Variants in SCUBE2 observed in about 807,000 individuals in gnomAD.
SCUBE2 encodes signal peptide, CUB and EGF-like domain-containing protein 2.
In SCUBE2, 114 loss-of-function variants were observed where a neutral mutation model predicts 125.9. That is an observed-to-expected ratio of 0.91 (90% CI 0.78 to 1.06). SCUBE2 has a LOEUF of 1.06. SCUBE2 is among the 50% of genes least tolerant of loss of function. The pLI is 0.00. For missense variants in SCUBE2, 1,255 were observed against 1,301.8 expected, an observed-to-expected ratio of 0.96 and a Z score of 0.55; for synonymous variants, 459 against 492.9, an observed-to-expected ratio of 0.93 and a Z score of 0.91.
intron 7 of SCUBE2, among the ~76,000 whole-genome samples, chr11:9,065,527 T>C (rs576186174): frequency 6.6e-6 from 1 of 152,312 alleles, no homozygotes; most frequent in Admixed American, 6.5e-5. Context: ...CAGGCAGTTC[T>C]TTACAGCAGT....
intron 14 of SCUBE2, among the ~76,000 whole-genome samples, chr11:9,048,917 C>T (rs1176973551): frequency 2.0e-5 from 3 of 152,192 alleles, no homozygotes; most frequent in African/African-American, 7.2e-5. Flanking sequence ...TCAACAGGGG[C>T]CACAGGAAGG....
At chr11:9,074,375 C>T (rs1274875942) in intron 4 of SCUBE2, 106 bp downstream of exon 4, 1 of 1,431,206 alleles carries the variant, frequency 7.0e-7, no homozygotes, top group East Asian at 2.4e-5. Flanking sequence ...GGCCTCCAGA[C>T]TTTCTATACC....
intron 4 of SCUBE2, among the ~76,000 whole-genome samples, chr11:9,072,844 GT>G (rs553020592): frequency 6.4e-4 from 98 of 152,308 alleles, no homozygotes; most frequent in Admixed American, 1.4e-3. Context: ...AGAAAACACA[GT>G]TTGCAGAAAG....
At chr11:9,022,263 T>A (rs1196486733) in intron 21 of SCUBE2, among the ~76,000 whole-genome samples, 1 of 152,136 alleles carries the variant, frequency 6.6e-6, no homozygotes, top group Non-Finnish European at 1.5e-5. Flanking sequence ...TCAAAAGCAT[T>A]GTTCTAGTAA....
chr11:9,050,769 G>C, intron 13 of SCUBE2, 59 bp from the exon 14 acceptor site: 1 of 1,334,388 alleles, frequency 7.5e-7, no homozygotes, highest in Non-Finnish European at 1.1e-6. Context: ...GGAGACACCA[G>C]ATGGGAAGCA....
chr11:9,046,489 A>G (rs1857789795), intron 16 of SCUBE2, among the ~76,000 whole-genome samples: 1 of 151,482 alleles, frequency 6.6e-6, no homozygotes, highest in South Asian at 2.1e-4. Context: ...GGCCACAAAG[A>G]CTCCCTGGCC....
chr11:9,063,218 C>T (rs1331194366), intron 7 of SCUBE2, among the ~76,000 whole-genome samples: 1 of 151,918 alleles, frequency 6.6e-6, no homozygotes, highest in Non-Finnish European at 1.5e-5. Context: ...TGGACTCCAG[C>T]CTGGGCGACA....
intron 19 of SCUBE2, among the ~76,000 whole-genome samples, chr11:9,027,770 C>T (rs561000696): frequency 1.1e-4 from 16 of 152,156 alleles, no homozygotes; most frequent in Non-Finnish European, 1.9e-4. Context: ...CCTCTGAGTT[C>T]CTGAGGCACT....
intron 16 of SCUBE2, among the ~76,000 whole-genome samples, chr11:9,038,825 T>G (rs1229931330): frequency 1.3e-5 from 2 of 152,098 alleles, no homozygotes; most frequent in Non-Finnish European, 2.9e-5. Context: ...TTACCCAAAG[T>G]ATGTTGGAGG....
intron 9 of SCUBE2, 82 bp from the exon 10 acceptor site, chr11:9,055,991 C>T: frequency 9.9e-7 from 1 of 1,007,242 alleles, no homozygotes; most frequent in Non-Finnish European, 1.6e-6. Flanking sequence ...ATACCAGTTG[C>T]TGACCAACAC....
chr11:9,037,958 C>T (rs1856873866), intron 16 of SCUBE2, among the ~76,000 whole-genome samples: 1 of 152,146 alleles, frequency 6.6e-6, no homozygotes, highest in Non-Finnish European at 1.5e-5. Flanking sequence ...AAATATTTCT[C>T]CAAAGATTTG....
At chr11:9,063,702 GAGAGC>G (rs1859905122) in intron 7 of SCUBE2, among the ~76,000 whole-genome samples, 1 of 152,190 alleles carries the variant, frequency 6.6e-6, no homozygotes, top group Non-Finnish European at 1.5e-5. Context: ...CACCCAACAG[GAGAGC>G]GGCAAAGGGA....
At chr11:9,052,610 C>T in intron 13 of SCUBE2, 136 bp downstream of exon 13, 1 of 631,902 alleles carries the variant, frequency 1.6e-6, no homozygotes. Flanking sequence ...CAGGCAACAA[C>T]ACCCTGGAAC....
intron 7 of SCUBE2, among the ~76,000 whole-genome samples, chr11:9,064,074 T>G (rs965366307): frequency 4.6e-5 from 7 of 151,188 alleles, no homozygotes; most frequent in Non-Finnish European, 8.9e-5. Flanking sequence ...AGAGGTCAGG[T>G]GTGTGTGTGT....
intron 3 of SCUBE2, 48 bp from the exon 4 acceptor site, chr11:9,074,663 C>T (rs767414653): frequency 2.5e-6 from 4 of 1,606,372 alleles, no homozygotes; most frequent in Non-Finnish European, 3.4e-6. Context: ...TGTTTCAATG[C>T]CCCACCTCAC....
chr11:9,030,087 ATTATTT>A (rs749166357), intron 18 of SCUBE2, 42 bp from the exon 19 acceptor site: 1 of 1,584,024 alleles, frequency 6.3e-7, no homozygotes, highest in African/African-American at 1.4e-5. Context: ...AAAAAGAAAG[ATTATTT>A]TTAATCAAAT....
chr11:9,025,765 G>T lies in SCUBE2; in HGVS notation c.2791C>A (p.Gln931Lys). ...FTSRSKKLWI[Q>K]FKSNEGNSAR... is the part of the protein sequence containing the mutation. ...CTGTTCCCTTCATTGGACTTGAACT[G>T]AATCCACAGCTTCTTTGACCTGGAG... is the stretch of plus-strand genomic sequence containing the variant. The change falls in exon 21 of 23, where the codon CAG becomes AAG. Residue 931 changes from glutamine (Q) to lysine (K), a missense_variant. Around this residue, in one of 3 missense-constraint regions of SCUBE2, gnomAD observed 515 missense variants for 515.7 expected, o/e 1.00. Transcript: ENST00000649792. The T allele has an allele frequency of 2.5e-6, 4 of 1,614,192 alleles. No individual in the cohort carries two copies. Among genetic ancestry groups the T allele is most frequent in the Non-Finnish European group, 3.4e-6 (4 of 1,180,046 alleles).
intron 9 of SCUBE2, among the ~76,000 whole-genome samples, chr11:9,057,991 A>C (rs1431060712): frequency 6.6e-6 from 1 of 152,190 alleles, no homozygotes; most frequent in Non-Finnish European, 1.5e-5. Context: ...AACAGCTGCT[A>C]ATACTAACAA....
intron 16 of SCUBE2, 36 bp downstream of exon 16, chr11:9,047,320 G>A: frequency 6.2e-7 from 1 of 1,608,624 alleles, no homozygotes; most frequent in Non-Finnish European, 8.5e-7. Flanking sequence ...GGAGCCCAAG[G>A]CTGTTCTGTT....
Sources: gnomAD v4.1 joint callset for allele counts (sites outside exome capture counted in the v4.1 genomes callset) on GRCh38, gnomAD v4.1.1 for gene constraint, gnomAD v4.1.1 regional missense constraint, MANE v1.5 for transcripts, NCBI Gene and HGNC (gene_info 2026-07-23, HGNC 2026-07-21) for gene names.